Variants in RBMS1 observed in about 807,000 individuals in gnomAD.
The protein encoded by RBMS1 is RNA-binding motif, single-stranded-interacting protein 1.
RBMS1 carries 17 observed loss-of-function variants against 62.3 expected under a neutral mutation model. The ratio of observed to expected loss-of-function variants is 0.27; its 90% CI spans 0.19 to 0.41. The LOEUF (loss-of-function observed/expected upper bound fraction) is 0.41, where lower values mean the gene tolerates loss of function less well. Among genes scored for constraint, RBMS1 ranks in the 10% least tolerant of loss-of-function variants. The pLI is 1.00. For missense variants in RBMS1, 334 were observed against 504.5 expected (o/e 0.66, Z 3.24); for synonymous variants, 172 against 170.0 (o/e 1.01, Z -0.09).
intron 1 of RBMS1, among the ~76,000 whole-genome samples, chr2:160,402,658 T>C (rs567954997): frequency 6.6e-5 from 10 of 152,300 alleles, no homozygotes; most frequent in African/African-American, 2.4e-4. Flanking sequence ...GGGCCACATG[T>C]CTTTGGGAGG....
chr2:160,322,734 C>T (rs888386937), intron 2 of RBMS1, among the ~76,000 whole-genome samples: 8 of 152,318 alleles, frequency 5.3e-5, no homozygotes, highest in African/African-American at 1.9e-4. Context: ...GCACAAGAGG[C>T]TCCCATTAAA....
At chr2:160,489,722 C>T (rs1030407697) in intron 1 of RBMS1, among the ~76,000 whole-genome samples, 7 of 151,970 alleles carry the variant, frequency 4.6e-5, no homozygotes, top group African/African-American at 1.7e-4. Context: ...ACGTATCTTT[C>T]GTATAGACAT....
chr2:160,479,297 TC>T (rs1270592755), intron 1 of RBMS1, among the ~76,000 whole-genome samples: 1 of 152,228 alleles, frequency 6.6e-6, no homozygotes, highest in Admixed American at 6.5e-5. Flanking sequence ...AGGGCGCAGC[TC>T]TGGGCTACCC....
chr2:160,313,380 C>G, intron 3 of RBMS1, 133 bp from the exon 4 acceptor site: 2 of 769,642 alleles, frequency 2.6e-6, no homozygotes, highest in Non-Finnish European at 4.1e-6. Flanking sequence ...CAGGCGTTAA[C>G]AGCTGCAGGC....
In RBMS1 at chr2:160,493,584, C is replaced by G; in HGVS notation, c.-221G>C. The G allele has an allele frequency of 3.3e-6, 2 of 608,200 alleles. No individual in the cohort carries two copies. The highest frequency in any genetic ancestry group is 3.8e-5 in the South Asian group (2 of 52,554). 37.7% of individuals were successfully genotyped at this position (608,200 alleles called of 1,614,324 possible). A position where few individuals can be genotyped will look rare whatever the true frequency, so the allele number is the denominator to read the frequency against. On this transcript the variant is annotated 5_prime_UTR_variant, in exon 1 of 14. Coordinates refer to ENST00000348849, the MANE Select transcript of RBMS1 (RefSeq NM_016836.4). ...CCTCCTCCTCCTCTTCCTCCTCCTCCTCCTCCTCCCAGGCAGAAAGAAAGA... is the reference window on the plus strand; with the variant it reads ...CCTCCTCCTCCTCTTCCTCCTCCTCGTCCTCCTCCCAGGCAGAAAGAAAGA...
intron 1 of RBMS1, among the ~76,000 whole-genome samples, chr2:160,449,953 G>A (rs1683893565): frequency 1.3e-5 from 2 of 152,008 alleles, no homozygotes; most frequent in African/African-American, 4.8e-5. Context: ...CCAACCTGAT[G>A]AGGCCACAGG....
In RBMS1 at chr2:160,273,869, A is replaced by G. The variant is rs755893594; in HGVS notation, c.*903T>C. The stretch of plus-strand genomic sequence containing the variant: ...CTATCAGAGGAAACTGTTGGCGTAC[A>G]GCCTTACAAACAATTTACCCTAATA... On this transcript the variant is annotated 3_prime_UTR_variant, in exon 14 of 14. Coordinates refer to ENST00000348849, the MANE Select transcript of RBMS1 (RefSeq NM_016836.4). The G allele has an allele frequency of 4.6e-5, 7 of 152,396 alleles. No homozygotes were observed. Among genetic ancestry groups the G allele is most frequent in the Non-Finnish European group, 1.0e-4 (7 of 68,042 alleles). The allele number at this position is 152,396 out of a possible 1,614,324, so 9.4% of individuals were successfully genotyped here. A position where few individuals can be genotyped will look rare whatever the true frequency, so the allele number is the denominator to read the frequency against.
chr2:160,471,378 T>C (rs1684903337), intron 1 of RBMS1, among the ~76,000 whole-genome samples: 1 of 152,068 alleles, frequency 6.6e-6, no homozygotes, highest in Non-Finnish European at 1.5e-5. Flanking sequence ...TCTATGTAAG[T>C]ATACATATTA....
intron 1 of RBMS1, among the ~76,000 whole-genome samples, chr2:160,400,341 A>T (rs1161773145): frequency 6.6e-6 from 1 of 151,496 alleles, no homozygotes; most frequent in African/African-American, 2.4e-5. Flanking sequence ...GAAAGAAACA[A>T]AATGAAAAAT....
intron 8 of RBMS1, 31 bp from the exon 9 acceptor site, chr2:160,284,899 A>G (rs749064252): frequency 5.1e-6 from 8 of 1,565,210 alleles, no homozygotes; most frequent in Non-Finnish European, 7.0e-6. Context: ...TTTATTAAGT[A>G]ATCCTTTAAA....
At chr2:160,460,487 A>C (rs2105331239) in intron 1 of RBMS1, among the ~76,000 whole-genome samples, 1 of 152,380 alleles carries the variant, frequency 6.6e-6, no homozygotes. Flanking sequence ...AAGGTCACGC[A>C]GGACAACTGT....
At chr2:160,276,374 C>CCTA (rs899027416) in intron 12 of RBMS1, among the ~76,000 whole-genome samples, 8 of 149,890 alleles carry the variant, frequency 5.3e-5, no homozygotes, top group East Asian at 3.9e-4. Context: ...ACCACCAACA[C>CCTA]CTACTACTAC....
intron 1 of RBMS1, among the ~76,000 whole-genome samples, chr2:160,439,384 G>A (rs1365943630): frequency 5.9e-5 from 9 of 151,786 alleles, no homozygotes; most frequent in East Asian, 3.9e-4. Context: ...CAGACGGGGC[G>A]GCCGGGCAGA....
At position 160,286,905 on chromosome 2, in the gene RBMS1, T is replaced by C. The variant is rs550588805; in HGVS notation, c.756+64A>G. 6 of 1,606,432 alleles carry C rather than the reference T, an allele frequency of 3.7e-6. No individual in the cohort carries two copies. The East Asian group carries it at 1.1e-4, about 30-fold the overall frequency. ...GTCAAGATGCCTTTTTGTGTTACTT[T>C]TCATGTGGGCATTCAAGATCACACC... is the stretch of plus-strand genomic sequence containing the variant. On this transcript the variant is annotated intron_variant, in intron 7 of 13. Transcript: ENST00000348849.
In RBMS1 at chr2:160,389,213, ATCCATG is replaced by A. The variant is rs1694733194; in HGVS notation, c.76-21828_76-21823del. On this transcript the variant is annotated intron_variant, in intron 1 of 13. Transcript: ENST00000348849. ...TTCTGGAAAAATTTGATATGAGCAA[ATCCATG>A]TTTTAAATGTGATGAGGAAACACAA... Among the ~76,000 whole-genome samples, 5 of 152,348 alleles carry A rather than the reference ATCCATG, an allele frequency of 3.3e-5. No homozygotes were observed. The South Asian group carries it at 1.0e-3, about 32-fold the overall frequency.
chr2:160,424,226 C>T (rs1376748092), intron 1 of RBMS1, among the ~76,000 whole-genome samples: 1 of 151,918 alleles, frequency 6.6e-6, no homozygotes, highest in African/African-American at 2.4e-5. Context: ...ACCATGTTGG[C>T]CAGGCTGGTC....
chr2:160,328,390 T>C (rs751552066), intron 2 of RBMS1, among the ~76,000 whole-genome samples: 1 of 150,490 alleles, frequency 6.6e-6, no homozygotes, highest in Non-Finnish European at 1.5e-5. Context: ...ACAACTTTTT[T>C]GTAACTTTTC....
intron 1 of RBMS1, among the ~76,000 whole-genome samples, chr2:160,395,087 C>A (rs753877438): frequency 3.3e-5 from 5 of 152,124 alleles, no homozygotes; most frequent in Non-Finnish European, 5.9e-5. Context: ...TCAAGTAATT[C>A]TAGGAAAACA....
intron 2 of RBMS1, among the ~76,000 whole-genome samples, chr2:160,353,380 A>G (rs1692626170): frequency 6.6e-6 from 1 of 152,094 alleles, no homozygotes; most frequent in Admixed American, 6.6e-5. Flanking sequence ...ATAGGTGGCA[A>G]TCCAACATAA....
Sources: gnomAD v4.1 joint callset for allele counts (sites outside exome capture counted in the v4.1 genomes callset) on GRCh38, gnomAD v4.1.1 for gene constraint, MANE v1.5 for transcripts, NCBI Gene and HGNC (gene_info 2026-07-23, HGNC 2026-07-21) for gene names.